The following PFKL variants were observed in gnomAD, a reference collection of about 807,000 sequenced individuals.
PFKL encodes phosphofructokinase, liver type.
PFKL carries 74 observed loss-of-function variants against 92.1 expected under a neutral mutation model. The ratio of observed to expected loss-of-function variants is 0.80; its 90% CI spans 0.67 to 0.97. The LOEUF is 0.97. Ranked by LOEUF, PFKL falls within the 50% of genes least tolerant of loss-of-function variation. The probability of loss-of-function intolerance (pLI) is 0.00; values close to 1 mark genes in which losing one functional copy is unlikely to be tolerated. For synonymous variants in PFKL, 494 were observed against 456.4 expected (o/e 1.08, Z -1.05); for missense variants, 1,028 against 1,116.6 (o/e 0.92, Z 1.13).
At chr21:44,306,832 T>A in intron 2 of PFKL, 78 bp downstream of exon 2, 1 of 1,282,014 alleles carries the variant, frequency 7.8e-7, no homozygotes, top group Non-Finnish European at 1.1e-6. Context: ...TCTGTGTGGG[T>A]CACACTGGGA....
At chr21:44,310,568 T>C (rs1032769316) in intron 2 of PFKL, among the ~76,000 whole-genome samples, 2 of 152,180 alleles carry the variant, frequency 1.3e-5, no homozygotes, top group African/African-American at 4.8e-5. Context: ...GCCGCATGCC[T>C]GGGAGGACTC....
At chr21:44,314,185 G>A (rs113495042) in intron 7 of PFKL, 164 bp downstream of exon 7, 105 of 609,954 alleles carry the variant, frequency 1.7e-4, no homozygotes, top group African/African-American at 1.7e-3. Flanking sequence ...GGGGGGCTAC[G>A]GGGCTGACCT....
chr21:44,312,341 C>A, intron 4 of PFKL, 47 bp downstream of exon 4: 1 of 1,479,628 alleles, frequency 6.8e-7, no homozygotes, highest in South Asian at 1.3e-5. Flanking sequence ...TTTGTTTTGC[C>A]GCTGCTGCCA....
intron 11 of PFKL, chr21:44,319,744 A>AC (rs929428041): frequency 2.0e-6 from 1 of 506,494 alleles, no homozygotes; most frequent in Non-Finnish European, 3.5e-6. Context: ...TGTGGGTACC[A>AC]CCCCCCTGCA....
At position 44,323,750 on chromosome 21, in the gene PFKL, G is replaced by A. The variant is rs747041590; in HGVS notation, c.1498-16G>A. 17 of 1,606,552 alleles carry A rather than the reference G, an allele frequency of 1.1e-5. No individual in the cohort carries two copies. Among genetic ancestry groups the A allele is most frequent in the African/African-American group, 2.7e-5 (2 of 74,758 alleles). ...CTCGGTGCTGCCCTTGACCTGCCCC[G>A]TCCCTACTGCTGCAGGCCTATGAAG... On this transcript the variant is annotated splice_polypyrimidine_tract_variant and intron_variant, in intron 15 of 21. Coordinates refer to ENST00000349048, the MANE Select transcript of PFKL (RefSeq NM_002626.6).
At chr21:44,304,079 G>T (rs1470766599) in intron 1 of PFKL, among the ~76,000 whole-genome samples, 2 of 143,914 alleles carry the variant, frequency 1.4e-5, no homozygotes, top group African/African-American at 5.3e-5. Flanking sequence ...CTAAAATCCA[G>T]TCCCAACAAC....
intron 1 of PFKL, chr21:44,304,186 G>T (rs2040859650): frequency 7.0e-6 from 9 of 1,283,890 alleles, no homozygotes; most frequent in Non-Finnish European, 9.1e-6. Flanking sequence ...GTCAAAGCAG[G>T]TTTTATTTTG....
chr21:44,320,748 C>T (rs2047335299), intron 12 of PFKL: 1 of 152,408 alleles, frequency 6.6e-6, no homozygotes, highest in Admixed American at 6.5e-5. Context: ...TCCCAAACAG[C>T]TGAAAACCTC....
intron 7 of PFKL, 94 bp downstream of exon 7, chr21:44,314,115 A>G (rs894982204): frequency 2.4e-6 from 2 of 826,494 alleles, no homozygotes; most frequent in Non-Finnish European, 2.0e-6. Flanking sequence ...CAACTCATCT[A>G]TCACTCATGG....
chr21:44,314,063 T>A, intron 7 of PFKL, 42 bp downstream of exon 7: 1 of 1,400,380 alleles, frequency 7.1e-7, no homozygotes, highest in African/African-American at 1.4e-5. Context: ...GGTGTCCTGG[T>A]GCACTGGGTA....
At chr21:44,314,382 C>T (rs902620219) in intron 7 of PFKL, 3 of 259,056 alleles carry the variant, frequency 1.2e-5, no homozygotes, top group Non-Finnish European at 2.2e-5. Flanking sequence ...CCAGCAAGGT[C>T]CAGACGGCAG....
intron 2 of PFKL, chr21:44,307,392 C>A: frequency 1.4e-6 from 1 of 726,614 alleles, no homozygotes; most frequent in Non-Finnish European, 1.7e-6. Flanking sequence ...CACACTTGGG[C>A]CACACCACGC....
rs11558850 is a variant in PFKL, at chr21:44,320,106, A to T, written c.1150A>T (p.Ile384Phe). 2 of 1,613,452 alleles carry T rather than the reference A, an allele frequency of 1.2e-6. No individual in the cohort carries two copies. Among genetic ancestry groups the T allele is most frequent in the Non-Finnish European group, 1.7e-6 (2 of 1,179,826 alleles). ...RGGSFENNWN[I>F]YKLLAHQKPP... ...CAGGAGCTTCGAGAACAACTGGAAC[A>T]TTTACAAGCTCCTCGCCCACCAGAA... Residue 384 changes from isoleucine to phenylalanine, a missense_variant, in exon 12 of 22, where the codon ATT (isoleucine) becomes TTT (phenylalanine). Coordinates refer to ENST00000349048, the MANE Select transcript of PFKL (RefSeq NM_002626.6).
intron 16 of PFKL, 82 bp from the exon 17 acceptor site, chr21:44,324,409 G>T: frequency 7.0e-7 from 1 of 1,432,442 alleles, no homozygotes; most frequent in Non-Finnish European, 9.7e-7. Flanking sequence ...GAGACACAGG[G>T]CTCCCTGCAG....
At chr21:44,305,724 C>T (rs879058185) in intron 1 of PFKL, 1 of 1,292,928 alleles carries the variant, frequency 7.7e-7, no homozygotes, top group Non-Finnish European at 1.0e-6. Context: ...GATGGGGGCT[C>T]TCGGGAAGAA....
In PFKL at chr21:44,304,158, G is replaced by T. The variant is rs565684514; in HGVS notation, c.86-2523G>T. 3 of 1,263,738 alleles carry T rather than the reference G, an allele frequency of 2.4e-6. No individual in the cohort carries two copies. In the Admixed American group the frequency reaches 7.5e-5, roughly 32 times the overall value. The allele number at this position is 1,263,738 out of a possible 1,614,324, so 78.3% of individuals were successfully genotyped here. A position where few individuals can be genotyped will look rare whatever the true frequency, so the allele number is the denominator to read the frequency against. ...CTCAGCACAAAGCTGGGTTTTGGCAGCTTCATTGTCTCCGGGCGTCAAAGC... is the reference window on the plus strand; with the variant it reads ...CTCAGCACAAAGCTGGGTTTTGGCATCTTCATTGTCTCCGGGCGTCAAAGC... On this transcript the variant is annotated intron_variant, in intron 1 of 21. Coordinates refer to ENST00000349048, the MANE Select transcript of PFKL (RefSeq NM_002626.6).
chr21:44,325,123 C>T (rs372845663), intron 18 of PFKL, 30 bp from the exon 19 acceptor site: 605 of 1,490,198 alleles, frequency 4.1e-4, no homozygotes, highest in Admixed American at 1.9e-3. Context: ...AACTCGTTCC[C>T]GCCGACTCAG....
chr21:44,304,410 T>A, intron 1 of PFKL: 1 of 1,254,794 alleles, frequency 8.0e-7, no homozygotes, highest in Non-Finnish European at 1.0e-6. Flanking sequence ...CTGGGTGCGC[T>A]GCTCCTGCCC....
rs747510229 is a variant in PFKL, at chr21:44,324,506, A to G, written c.1666A>G (p.Lys556Glu). The change falls in exon 17 of 22, where the codon AAA (lysine) becomes GAA (glutamate). Residue 556 changes from lysine to glutamate, a missense_variant. Transcript: ENST00000349048. The part of the protein sequence containing the change: ...NAAMESCDRI[K>E]QSASGTKRRV... ...TGTCCCCCAGAGCTGTGACCGCATC[A>G]AACAGTCTGCCTCGGGGACCAAGCG... 6.2e-7 allele frequency: 1 copy of G among 1,613,280 alleles called. No individual in the cohort carries two copies. Among genetic ancestry groups the G allele is most frequent in the Non-Finnish European group, 8.5e-7 (1 of 1,179,846 alleles).
Sources: allele counts gnomAD v4.1 joint callset (sites outside exome capture counted in the v4.1 genomes callset), GRCh38; gene constraint gnomAD v4.1.1; transcripts MANE v1.5; gene names NCBI Gene and HGNC (gene_info 2026-07-23, HGNC 2026-07-21).